Variants in FABP6 observed in about 807,000 individuals in gnomAD.
The protein encoded by FABP6 is gastrotropin.
FABP6 carries 13 observed loss-of-function variants against 14.9 expected under a neutral mutation model. That is an observed-to-expected ratio of 0.87 (90% CI 0.57 to 1.39). The LOEUF (loss-of-function observed/expected upper bound fraction) is 1.39. Among genes scored for constraint, FABP6 ranks in the 40% most tolerant of loss-of-function variants. The pLI, the probability that FABP6 is intolerant of heterozygous loss-of-function variation, is 0.00. For missense variants in FABP6, 161 were observed against 167.2 expected, an observed-to-expected ratio of 0.96 and a Z score of 0.20; for synonymous variants, 75 against 63.6, an observed-to-expected ratio of 1.18 and a Z score of -0.85.
chr5:160,226,865 C>A (rs1005056463), upstream of FABP6, among the ~76,000 whole-genome samples: 1 of 152,080 alleles, frequency 6.6e-6, no homozygotes, highest in African/African-American at 2.4e-5. Context: ...ACTGCTATAG[C>A]TTTTCTGAAA....
upstream of FABP6, among the ~76,000 whole-genome samples, chr5:160,229,202 G>A (rs1259893359): frequency 6.6e-6 from 1 of 152,168 alleles, no homozygotes; most frequent in African/African-American, 2.4e-5. Flanking sequence ...GAGTTAGAGG[G>A]TGCAAGAGTG....
At chr5:160,213,326 T>C (rs1389387328) in intron 2 of FABP6, among the ~76,000 whole-genome samples, 1 of 152,190 alleles carries the variant, frequency 6.6e-6, no homozygotes, top group African/African-American at 2.4e-5. Flanking sequence ...CAGCTCATGA[T>C]ACAAATAAGC....
intron 2 of FABP6, among the ~76,000 whole-genome samples, chr5:160,199,556 C>T (rs983463100): frequency 7.9e-5 from 12 of 152,196 alleles, no homozygotes; most frequent in African/African-American, 2.7e-4. Flanking sequence ...TCCCCGTCGG[C>T]CTGGGGCCGG....
At chr5:160,228,744 C>A, upstream of FABP6, 1 of 345,538 alleles carries the variant, frequency 2.9e-6, no homozygotes, top group South Asian at 2.2e-5. Context: ...GCATTATCTG[C>A]ACCCTTAGGA....
chr5:160,187,727 T>G (rs757868775), intron 1 of FABP6, among the ~76,000 whole-genome samples: 1 of 150,540 alleles, frequency 6.6e-6, no homozygotes, highest in African/African-American at 2.4e-5. Context: ...AGCTGCACCC[T>G]TAAAAATATT....
At chr5:160,230,662 C>CA (rs1237484417) in intron 1 of FABP6, among the ~76,000 whole-genome samples, 1 of 152,068 alleles carries the variant, frequency 6.6e-6, no homozygotes, top group Non-Finnish European at 1.5e-5. Flanking sequence ...GAGCCCAGCC[C>CA]ATCAAACATT....
intron 1 of FABP6, among the ~76,000 whole-genome samples, chr5:160,195,283 CAAAAAAAAAAAAAAAA>C (rs57229719): frequency 3.1e-5 from 2 of 63,606 alleles, no homozygotes; most frequent in South Asian, 8.3e-4. Context: ...GACTCTGTCT[CAAAAAAAAAAAAAAAA>C]AAAAAAAAAA....
chr5:160,187,421 G>C (rs2113041838), exon 1 of FABP6: 1 of 152,708 alleles, frequency 6.5e-6, no homozygotes, highest in African/African-American at 2.4e-5. Context: ...CAGGGTCCTG[G>C]AGGAAGGCAG....
At chr5:160,205,110 A>G (rs146469837) in intron 2 of FABP6, among the ~76,000 whole-genome samples, 50 of 152,200 alleles carry the variant, frequency 3.3e-4, no homozygotes, top group African/African-American at 1.2e-3. Context: ...TCCCACTGCC[A>G]GTATTGTGGT....
chr5:160,203,708 T>C (rs1330334631), intron 2 of FABP6, among the ~76,000 whole-genome samples: 1 of 151,910 alleles, frequency 6.6e-6, no homozygotes, highest in Admixed American at 6.6e-5. Flanking sequence ...TATTTCTTTT[T>C]TTTTTTTTTT....
At chr5:160,210,125 T>C (rs1759856760) in intron 2 of FABP6, among the ~76,000 whole-genome samples, 1 of 152,092 alleles carries the variant, frequency 6.6e-6, no homozygotes, top group South Asian at 2.1e-4. Context: ...TCAAGAAACA[T>C]GTGATCTAGG....
Position 160,229,598 on chromosome 5 carries a change from A to C in FABP6, c.41A>C (p.Asn14Thr), listed in dbSNP as rs1167886726. 6.2e-7 allele frequency: 1 copy of C among 1,613,960 alleles called. No homozygotes were observed. The stretch of plus-strand genomic sequence containing the variant: ...AAGTTCGAGATGGAGAGTGAGAAGA[A>C]TTATGATGAGTTCATGAAGCTCCTT... ...TGKFEMESEK[N>T]YDEFMKLLGI... Residue 14 changes from asparagine (N) to threonine (T), a missense_variant, in exon 1 of 4, where the codon AAT becomes ACT. By Grantham distance (65) the Asn-to-Thr change is moderately conservative. Transcript: ENST00000402432.
In FABP6 at chr5:160,189,624, A is replaced by G. The variant is rs531301377; in HGVS notation, c.-59+2170A>G. Among the ~76,000 whole-genome samples the G allele has an allele frequency of 5.3e-5, 8 of 152,214 alleles. No individual in the cohort carries two copies. In the South Asian group the frequency reaches 1.7e-3, roughly 32 times the overall value. On this transcript the variant is annotated intron_variant, in intron 1 of 6. Transcript: ENST00000393980. ...AGTGGCTCATGTCTGTAATTCCAGC[A>G]CTTTGGGAGGCTAAGGCAGGAGGAT...
At chr5:160,221,948 G>A (rs1247928728) in intron 3 of FABP6, among the ~76,000 whole-genome samples, 3 of 152,030 alleles carry the variant, frequency 2.0e-5, no homozygotes, top group South Asian at 2.1e-4. Flanking sequence ...TGGGATCTGC[G>A]GTTTTAACCT....
At chr5:160,188,353 GA>G (rs1298573696) in intron 1 of FABP6, among the ~76,000 whole-genome samples, 9 of 146,540 alleles carry the variant, frequency 6.1e-5, no homozygotes, top group Non-Finnish European at 1.4e-4. Flanking sequence ...AAAAAGAAAC[GA>G]AAAAAACATT....
intron 2 of FABP6, among the ~76,000 whole-genome samples, chr5:160,233,627 C>T (rs565939645): frequency 5.9e-5 from 9 of 152,268 alleles, no homozygotes; most frequent in East Asian, 3.9e-4. Flanking sequence ...GTAATCCCAG[C>T]GCTTTGGGAA....
chr5:160,202,873 A>G (rs1759674339), intron 2 of FABP6, among the ~76,000 whole-genome samples: 1 of 152,058 alleles, frequency 6.6e-6, no homozygotes, highest in Non-Finnish European at 1.5e-5. Context: ...TACAAAACAG[A>G]AAGGTGCTCC....
chr5:160,210,420 G>A (rs981284191), intron 2 of FABP6, among the ~76,000 whole-genome samples: 3 of 152,222 alleles, frequency 2.0e-5, no homozygotes, highest in Non-Finnish European at 2.9e-5. Context: ...ACCTGGAACA[G>A]CACCTCAAAC....
At chr5:160,227,640 C>A (rs1181439444), upstream of FABP6, among the ~76,000 whole-genome samples, 2 of 151,232 alleles carry the variant, frequency 1.3e-5, no homozygotes, top group Non-Finnish European at 2.9e-5. Context: ...GAGCTGAGAT[C>A]ACACACGGCA....
Sources: allele counts gnomAD v4.1 joint callset (sites outside exome capture counted in the v4.1 genomes callset), GRCh38; gene constraint gnomAD v4.1.1; transcripts MANE v1.5; gene names NCBI Gene and HGNC (gene_info 2026-07-23, HGNC 2026-07-21).